The following ZNF385D variants were observed in gnomAD, a reference collection of about 807,000 sequenced individuals.
ZNF385D encodes the protein zinc finger protein 659.
ZNF385D carries 15 observed loss-of-function variants against 35.8 expected under a neutral mutation model. The observed-to-expected ratio is 0.42, with a 90% CI of 0.28 to 0.64. The LOEUF (loss-of-function observed/expected upper bound fraction) is 0.64. Among genes scored for constraint, ZNF385D ranks in the 30% least tolerant of loss-of-function variants. The pLI is 0.23. For synonymous variants in ZNF385D, 212 were observed against 186.8 expected (o/e 1.13, Z -1.10); for missense variants, 474 against 494.6 (o/e 0.96, Z 0.39).
rs79682175 is a variant in ZNF385D at position 21,926,155 on chromosome 3, T to A, written c.325+242662A>T. Among the ~76,000 whole-genome samples the A allele has an allele frequency of 7.0e-4, 107 of 152,280 alleles. 1 individual carries two copies. In the East Asian group the frequency reaches 0.019, roughly 28 times the overall value. On this transcript the variant is annotated intron_variant, in intron 3 of 5. Transcript: ENST00000494108. The stretch of plus-strand genomic sequence containing the variant: ...CCCTCTCCAATTTTTTTTTTTATAC[T>A]TTAAGTTCTGGAGTACATGTGCAGA...
At chr3:21,573,687 G>T (rs151246803) in intron 2 of ZNF385D, among the ~76,000 whole-genome samples, 5 of 151,578 alleles carry the variant, frequency 3.3e-5, no homozygotes, top group African/African-American at 1.2e-4. Context: ...CTAAAATATG[G>T]CATCAAACAC....
intron 3 of ZNF385D, among the ~76,000 whole-genome samples, chr3:22,023,918 C>T (rs942628408): frequency 7.9e-5 from 12 of 151,982 alleles, no homozygotes; most frequent in African/African-American, 2.9e-4. Context: ...CTAAAGAATA[C>T]CTGAGACTGG....
chr3:22,340,371 C>T (rs982201447), intron 2 of ZNF385D, among the ~76,000 whole-genome samples: 5 of 151,992 alleles, frequency 3.3e-5, no homozygotes, highest in South Asian at 2.1e-4. Flanking sequence ...GTGAGGTGGG[C>T]GTGGTGGCTC....
intron 5 of ZNF385D, among the ~76,000 whole-genome samples, chr3:21,426,852 A>C (rs1701048349): frequency 1.3e-5 from 2 of 152,340 alleles, no homozygotes; most frequent in African/African-American, 4.8e-5. Context: ...GTTTCTAGCC[A>C]CATGTTTCCC....
chr3:21,564,151 C>G (rs561137293), intron 3 of ZNF385D, among the ~76,000 whole-genome samples: 2 of 152,118 alleles, frequency 1.3e-5, no homozygotes, highest in East Asian at 1.9e-4. Context: ...GAATTTGAGG[C>G]CTCCATTCCA....
At chr3:21,709,662 C>T (rs546105378) in intron 1 of ZNF385D, among the ~76,000 whole-genome samples, 24 of 152,184 alleles carry the variant, frequency 1.6e-4, no homozygotes, top group Middle Eastern at 3.4e-3. Flanking sequence ...CTAGTTTTAG[C>T]AGAAGAAAAG....
chr3:21,850,029 C>A (rs183107407), intron 3 of ZNF385D, among the ~76,000 whole-genome samples: 1 of 152,146 alleles, frequency 6.6e-6, no homozygotes, highest in East Asian at 1.9e-4. Context: ...CAGGCGTGAG[C>A]CACCACACTC....
At chr3:21,749,392 T>A (rs1003344045) in intron 1 of ZNF385D, among the ~76,000 whole-genome samples, 3 of 152,168 alleles carry the variant, frequency 2.0e-5, no homozygotes, top group African/African-American at 7.2e-5. Flanking sequence ...GACGATCACA[T>A]AAGGAATTGT....
intron 4 of ZNF385D, among the ~76,000 whole-genome samples, chr3:21,483,193 G>A (rs1203000655): frequency 3.3e-5 from 5 of 152,142 alleles, no homozygotes; most frequent in African/African-American, 1.2e-4. Flanking sequence ...ACTATGCTAT[G>A]TCTTCAATGT....
intron 3 of ZNF385D, among the ~76,000 whole-genome samples, chr3:21,820,320 GAACC>G (rs1321187785): frequency 1.3e-5 from 2 of 151,362 alleles, no homozygotes; most frequent in East Asian, 1.9e-4. Context: ...ATAAAAAGAA[GAACC>G]AACATAAGAA....
At chr3:22,192,162 C>G (rs1158917822) in intron 2 of ZNF385D, among the ~76,000 whole-genome samples, 2 of 152,014 alleles carry the variant, frequency 1.3e-5, no homozygotes, top group African/African-American at 4.8e-5. Flanking sequence ...TAACTTAGTC[C>G]AAAGGAGGAC....
chr3:22,120,256 T>C (rs957791228), intron 3 of ZNF385D, among the ~76,000 whole-genome samples: 11 of 152,062 alleles, frequency 7.2e-5, no homozygotes, highest in Admixed American at 3.3e-4. Flanking sequence ...TTGTGGAGGA[T>C]AGAAGTCTAA....
chr3:22,029,608 T>G (rs915543356), intron 3 of ZNF385D, among the ~76,000 whole-genome samples: 1 of 152,250 alleles, frequency 6.6e-6, no homozygotes, highest in Non-Finnish European at 1.5e-5. Flanking sequence ...AACATGTTTG[T>G]GCATATATAC....
At chr3:22,167,839 T>C (rs1434674182) in intron 3 of ZNF385D, among the ~76,000 whole-genome samples, 1 of 152,198 alleles carries the variant, frequency 6.6e-6, no homozygotes, top group Non-Finnish European at 1.5e-5. Flanking sequence ...TAACTAAACG[T>C]CATACATTTG....
At chr3:21,937,179 T>TA (rs1701304629) in intron 3 of ZNF385D, among the ~76,000 whole-genome samples, 1 of 152,144 alleles carries the variant, frequency 6.6e-6, no homozygotes, top group African/African-American at 2.4e-5. Context: ...CAAAGTATAG[T>TA]ATGATATACA....
intron 3 of ZNF385D, among the ~76,000 whole-genome samples, chr3:22,091,234 T>C (rs1701316246): frequency 6.6e-6 from 1 of 152,094 alleles, no homozygotes; most frequent in Admixed American, 6.6e-5. Context: ...TTTAACTAGA[T>C]GGAGATACCA....
At chr3:21,799,213 T>C (rs555953014) in intron 3 of ZNF385D, among the ~76,000 whole-genome samples, 19 of 152,334 alleles carry the variant, frequency 1.2e-4, no homozygotes, top group Middle Eastern at 3.4e-3. Flanking sequence ...TTGATGGATG[T>C]TGTTTCCACC....
intron 3 of ZNF385D, among the ~76,000 whole-genome samples, chr3:21,989,428 G>T (rs1422400863): frequency 2.6e-5 from 4 of 152,098 alleles, no homozygotes; most frequent in African/African-American, 9.7e-5. Context: ...ATGCACTGAT[G>T]CAACAGTCGG....
At chr3:21,748,893 C>T (rs1409754372) in intron 1 of ZNF385D, among the ~76,000 whole-genome samples, 1 of 152,100 alleles carries the variant, frequency 6.6e-6, no homozygotes, top group African/African-American at 2.4e-5. Flanking sequence ...GTGTACTGCT[C>T]AATTCTTTTT....
Sources: gnomAD v4.1 joint callset for allele counts (sites outside exome capture counted in the v4.1 genomes callset) on GRCh38, gnomAD v4.1.1 for gene constraint, MANE v1.5 for transcripts, NCBI Gene and HGNC (gene_info 2026-07-23, HGNC 2026-07-21) for gene names.